The following ROBO1 variants were observed in gnomAD, a reference collection of about 807,000 sequenced individuals.
The protein encoded by ROBO1 is roundabout homolog 1.
ROBO1 carries 149 observed loss-of-function variants against 195.9 expected under a neutral mutation model. That is an observed-to-expected ratio of 0.76 (90% CI 0.67 to 0.87). ROBO1 has a LOEUF of 0.87. ROBO1 is among the 40% of genes least tolerant of loss of function. The pLI is 0.00. For synonymous variants in ROBO1, 816 were observed against 733.2 expected (o/e 1.11, Z -1.82); for missense variants, 1,933 against 2,068.3 (o/e 0.93, Z 1.27).
chr3:78,634,036 C>A lies in ROBO1; in HGVS notation c.3380G>T (p.Arg1127Leu). 1 of 1,603,158 alleles carries A rather than the reference C, an allele frequency of 6.2e-7. No homozygotes were observed. The highest frequency in any genetic ancestry group is 1.1e-5 in the South Asian group (1 of 90,560). ...AGTTGGAGGAACTGTGTCATTTGCT[C>A]GATAATCTAGACATATCAGATGAAA... Reference protein sequence around the residue: ...VEQNKLNKDYRANDTVPPTIP... With the variant: ...VEQNKLNKDYLANDTVPPTIP... The change falls in exon 24 of 31, where the codon CGA (arginine) becomes CTA (leucine). Residue 1127 changes from arginine (R) to leucine (L), a missense_variant. Arg to Leu is a moderately radical substitution (Grantham distance 102). Coordinates refer to ENST00000464233, the MANE Select transcript of ROBO1 (RefSeq NM_002941.4).
chr3:79,104,077 T>G (rs2079729851), intron 3 of ROBO1, among the ~76,000 whole-genome samples: 1 of 151,668 alleles, frequency 6.6e-6, no homozygotes, highest in Admixed American at 6.6e-5. Flanking sequence ...ACACCAGTGT[T>G]TTATCTCCGA....
chr3:79,749,990 C>T (rs1482258621), intron 1 of ROBO1, among the ~76,000 whole-genome samples: 2 of 152,206 alleles, frequency 1.3e-5, no homozygotes, highest in Non-Finnish European at 2.9e-5. Flanking sequence ...TTGTGCTGTT[C>T]ACCTGGAAAA....
chr3:79,484,509 G>A (rs1411954711), intron 2 of ROBO1, among the ~76,000 whole-genome samples: 2 of 152,066 alleles, frequency 1.3e-5, no homozygotes, highest in Non-Finnish European at 2.9e-5. Flanking sequence ...ATATATGTGT[G>A]TGTGTGTATA....
At chr3:79,622,556 G>A (rs1049268525) in intron 1 of ROBO1, among the ~76,000 whole-genome samples, 1 of 152,174 alleles carries the variant, frequency 6.6e-6, no homozygotes, top group African/African-American at 2.4e-5. Context: ...CCAACATACT[G>A]GCTGTGGCAG....
intron 8 of ROBO1, among the ~76,000 whole-genome samples, chr3:78,689,255 T>G (rs543617892): frequency 6.6e-6 from 1 of 152,260 alleles, no homozygotes; most frequent in Non-Finnish European, 1.5e-5. Flanking sequence ...TGAATAGAAA[T>G]GAATTTAAAG....
intron 10 of ROBO1, among the ~76,000 whole-genome samples, chr3:78,671,121 G>A (rs951713409): frequency 6.6e-6 from 1 of 152,028 alleles, no homozygotes; most frequent in African/African-American, 2.4e-5. Context: ...ATTTTATTAT[G>A]TGTAAATACA....
intron 1 of ROBO1, among the ~76,000 whole-genome samples, chr3:79,727,701 T>TA (rs1560136347): frequency 1.3e-5 from 2 of 152,288 alleles, no homozygotes; most frequent in South Asian, 4.1e-4. Flanking sequence ...TTTTTCATTT[T>TA]AAAAAATCAT....
Position 79,166,392 on chromosome 3 carries a change from G to C in ROBO1, c.89-40853C>G, listed in dbSNP as rs538295936. The stretch of plus-strand genomic sequence containing the variant: ...CATTACTCATCTTATACCTTCAATT[G>C]GATTTTTTATTCTTGTAGAATTATC... On this transcript the variant is annotated intron_variant, in intron 2 of 30. Coordinates refer to ENST00000464233, the MANE Select transcript of ROBO1 (RefSeq NM_002941.4). Among the ~76,000 whole-genome samples the C allele has an allele frequency of 2.6e-5, 4 of 151,772 alleles. No individual in the cohort carries two copies. The East Asian group carries it at 7.8e-4, about 29-fold the overall frequency.
chr3:78,934,545 T>C (rs1462833997), intron 4 of ROBO1, among the ~76,000 whole-genome samples: 2 of 151,950 alleles, frequency 1.3e-5, no homozygotes, highest in Non-Finnish European at 2.9e-5. Context: ...TAAAGATATA[T>C]ACATATATGC....
At chr3:79,363,296 T>C (rs1423876436) in intron 2 of ROBO1, among the ~76,000 whole-genome samples, 2 of 152,154 alleles carry the variant, frequency 1.3e-5, no homozygotes, top group African/African-American at 4.8e-5. Context: ...AACACTCTCT[T>C]CTCTCCAGTC....
At chr3:79,601,609 T>G (rs1944341551) in intron 1 of ROBO1, among the ~76,000 whole-genome samples, 1 of 151,990 alleles carries the variant, frequency 6.6e-6, no homozygotes, top group African/African-American at 2.4e-5. Context: ...CTAATATACT[T>G]GCAGAAGAGA....
intron 2 of ROBO1, among the ~76,000 whole-genome samples, chr3:79,477,544 A>C (rs1938608051): frequency 6.6e-6 from 1 of 152,164 alleles, no homozygotes; most frequent in Non-Finnish European, 1.5e-5. Context: ...TCCCTGAAGA[A>C]ACTAAACAAA....
chr3:79,284,215 C>T (rs973537324), intron 2 of ROBO1, among the ~76,000 whole-genome samples: 1 of 151,336 alleles, frequency 6.6e-6, no homozygotes, highest in Non-Finnish European at 1.5e-5. Flanking sequence ...AACTGAGGGC[C>T]GGAGAATTGA....
intron 10 of ROBO1, chr3:78,670,515 C>G: frequency 1.8e-6 from 1 of 540,920 alleles, no homozygotes; most frequent in Non-Finnish European, 3.3e-6. Flanking sequence ...AAATGACCAG[C>G]CACTCACTGA....
At chr3:78,648,695 A>G (rs1484177466) in intron 19 of ROBO1, among the ~76,000 whole-genome samples, 1 of 151,748 alleles carries the variant, frequency 6.6e-6, no homozygotes, top group Non-Finnish European at 1.5e-5. Context: ...AAAAAAAAAA[A>G]GCAAGGAAAT....
chr3:78,715,598 C>G (rs1487146521), intron 7 of ROBO1, among the ~76,000 whole-genome samples: 1 of 152,182 alleles, frequency 6.6e-6, no homozygotes, highest in African/African-American at 2.4e-5. Context: ...GTGGCGCAAT[C>G]TCGGCTCACT....
intron 2 of ROBO1, among the ~76,000 whole-genome samples, chr3:79,176,948 G>A (rs1468760445): frequency 6.6e-6 from 1 of 152,060 alleles, no homozygotes; most frequent in Non-Finnish European, 1.5e-5. Context: ...TGTCTAATTA[G>A]ATAATACATA....
At chr3:79,417,512 TTTG>T (rs2038055073) in intron 2 of ROBO1, among the ~76,000 whole-genome samples, 3 of 152,144 alleles carry the variant, frequency 2.0e-5, no homozygotes, top group Admixed American at 2.0e-4. Flanking sequence ...ATAATAGATA[TTTG>T]TTGTTTAAAG....
intron 1 of ROBO1, among the ~76,000 whole-genome samples, chr3:79,597,368 A>G (rs977179882): frequency 2.7e-4 from 41 of 152,178 alleles, no homozygotes; most frequent in African/African-American, 9.6e-4. Flanking sequence ...TGGACAAATT[A>G]CTACCAAACT....
Sources: gnomAD v4.1 joint callset for allele counts (sites outside exome capture counted in the v4.1 genomes callset) on GRCh38, gnomAD v4.1.1 for gene constraint, MANE v1.5 for transcripts, NCBI Gene and HGNC (gene_info 2026-07-23, HGNC 2026-07-21) for gene names.